MLXIPL: variants seen among roughly 807,000 people sequenced by gnomAD.
MLXIPL encodes carbohydrate-responsive element-binding protein.
A neutral mutation model predicts 81.5 loss-of-function variants in MLXIPL; 49 were observed. The ratio of observed to expected loss-of-function variants is 0.60; its 90% CI spans 0.48 to 0.76. MLXIPL has a LOEUF of 0.76. Ranked by LOEUF, MLXIPL falls within the 30% of genes least tolerant of loss-of-function variation. The pLI is 0.00. For missense variants in MLXIPL, 1,053 were observed against 1,167.0 expected (o/e 0.90, Z 1.42); for synonymous variants, 466 against 485.5 (o/e 0.96, Z 0.53).
chr7:73,607,034 G>A lies in MLXIPL; in HGVS notation c.574-16C>T. ...GCTTACGGAGCTGCAGGGACACACA[G>A]AGTTGGACACCGGATCCCTTGCCCC... On this transcript the variant is annotated splice_polypyrimidine_tract_variant and intron_variant, in intron 4 of 16. Coordinates refer to ENST00000313375, the MANE Select transcript of MLXIPL (RefSeq NM_032951.3). The A allele has an allele frequency of 6.2e-7, 1 of 1,612,920 alleles. No individual in the cohort carries two copies. The highest frequency in any genetic ancestry group is 8.5e-7 in the Non-Finnish European group (1 of 1,179,582).
the MLXIPL span, among the ~76,000 whole-genome samples, chr7:73,637,165 T>A: frequency 1.3e-5 from 2 of 151,832 alleles, no homozygotes; most frequent in African/African-American, 4.8e-5. Context: ...CTCACAAGTC[T>A]ATGTAGATTG....
the MLXIPL span, among the ~76,000 whole-genome samples, chr7:73,643,391 G>A: frequency 6.6e-6 from 1 of 152,060 alleles, no homozygotes; most frequent in African/African-American, 2.4e-5. Context: ...GCGGGTGCCT[G>A]TAGTCCCAGC....
intron 1 of MLXIPL, among the ~76,000 whole-genome samples, chr7:73,618,190 A>C (rs1554601198): frequency 6.6e-6 from 1 of 152,170 alleles, no homozygotes; most frequent in East Asian, 1.9e-4. Flanking sequence ...TCCGTCTCCC[A>C]GGTTCAAATG....
At chr7:73,615,425 C>A (rs1270588607) in intron 2 of MLXIPL, among the ~76,000 whole-genome samples, 1 of 152,138 alleles carries the variant, frequency 6.6e-6, no homozygotes, top group Non-Finnish European at 1.5e-5. Flanking sequence ...ATTCAAGGCA[C>A]CCAACTATGC....
chr7:73,606,400 T>G, intron 5 of MLXIPL: 1 of 507,022 alleles, frequency 2.0e-6, no homozygotes, highest in Non-Finnish European at 3.5e-6. Context: ...CTCTGGTTTT[T>G]TTTTTTGTTT....
rs368886406 is a variant in MLXIPL, at chr7:73,621,375, A to G, written c.293+2825T>C. ...GCCCACGCTAACCTGCAGAGGGTGA[A>G]ACCTTGCCAGGCCTCTGCAGGCTGG... On this transcript the variant is annotated intron_variant, in intron 1 of 16. Coordinates refer to ENST00000313375, the MANE Select transcript of MLXIPL (RefSeq NM_032951.3). Among the ~76,000 whole-genome samples, 114 of 150,552 alleles carry G rather than the reference A, an allele frequency of 7.6e-4. 1 individual carries two copies. The highest frequency in any genetic ancestry group is 2.7e-3 in the African/African-American group (112 of 40,964).
chr7:73,614,723 C>G (rs782300144), intron 2 of MLXIPL, among the ~76,000 whole-genome samples: 2 of 152,002 alleles, frequency 1.3e-5, no homozygotes, highest in Non-Finnish European at 2.9e-5. Flanking sequence ...TATTGGATAC[C>G]AACTTAGTGG....
the MLXIPL span, among the ~76,000 whole-genome samples, chr7:73,637,111 A>G: frequency 1.3e-5 from 2 of 151,510 alleles, no homozygotes; most frequent in African/African-American, 4.9e-5. Flanking sequence ...TATTTCCTTC[A>G]CTTCAATTTT....
chr7:73,594,159 C>T, intron 16 of MLXIPL, 115 bp downstream of exon 16: 3 of 1,542,796 alleles, frequency 1.9e-6, no homozygotes, highest in Admixed American at 1.7e-5. Flanking sequence ...TGCGGGGTGG[C>T]CACAACCCTA....
Position 73,624,358 on chromosome 7 carries a change from C to T in MLXIPL, c.135G>A (p.Gln45=), listed in dbSNP as rs1554603081. ...RRSAGGLLRS[Q]VIHSGHFMVS... is the part of the protein sequence containing the mutation. ...CCATGAAGTGACCGCTGTGGATGAC[C>T]TGCGAGCGGAGCAAGCCGCCCGCGC... Residue 45 remains glutamine (Q), a synonymous_variant, in exon 1 of 17, where the codon CAG becomes CAA. Coordinates refer to ENST00000313375, the MANE Select transcript of MLXIPL (RefSeq NM_032951.3). 2 of 1,583,282 alleles carry T rather than the reference C, an allele frequency of 1.3e-6. No homozygotes were observed. The highest frequency in any genetic ancestry group is 1.7e-6 in the Non-Finnish European group (2 of 1,168,594).
intron 1 of MLXIPL, among the ~76,000 whole-genome samples, 198 bp from the exon 2 acceptor site, chr7:73,616,375 G>T (rs1796010108): frequency 6.6e-6 from 1 of 152,132 alleles, no homozygotes; most frequent in South Asian, 2.1e-4. Flanking sequence ...ACTCCCACCA[G>T]CGGCCCCTGT....
chr7:73,632,984 T>C, the MLXIPL span, among the ~76,000 whole-genome samples: 1 of 151,996 alleles, frequency 6.6e-6, no homozygotes, highest in Admixed American at 6.6e-5. Context: ...TTTCCCTATG[T>C]TAGCCAGGCT....
chr7:73,636,844 G>T, the MLXIPL span, among the ~76,000 whole-genome samples: 1 of 152,124 alleles, frequency 6.6e-6, no homozygotes, highest in Non-Finnish European at 1.5e-5. Flanking sequence ...GGTGGGTCAA[G>T]AGGTCAGGAG....
intron 5 of MLXIPL, 135 bp downstream of exon 5, chr7:73,606,838 TG>T: frequency 1.0e-6 from 1 of 957,774 alleles, no homozygotes; most frequent in Non-Finnish European, 1.6e-6. Context: ...AACCACAGGA[TG>T]GCAGTAACAT....
chr7:73,599,463 G>A (rs1245878684), intron 8 of MLXIPL, 63 bp downstream of exon 8: 2 of 1,587,774 alleles, frequency 1.3e-6, no homozygotes, highest in African/African-American at 1.3e-5. Flanking sequence ...TCCTGGACAT[G>A]AACAGGGCAG....
chr7:73,635,636 C>A, the MLXIPL span, among the ~76,000 whole-genome samples: 93 of 151,918 alleles, frequency 6.1e-4, no homozygotes, highest in African/African-American at 2.2e-3. Flanking sequence ...CCACCCATCT[C>A]TTTTTCCATC....
chr7:73,619,756 C>T (rs1431029245), intron 1 of MLXIPL, among the ~76,000 whole-genome samples: 1 of 151,746 alleles, frequency 6.6e-6, no homozygotes, highest in African/African-American at 2.4e-5. Flanking sequence ...CAGTGAAACC[C>T]GGTCTCTACT....
the MLXIPL span, among the ~76,000 whole-genome samples, chr7:73,646,711 G>T: frequency 6.6e-6 from 1 of 152,186 alleles, no homozygotes; most frequent in Non-Finnish European, 1.5e-5. Context: ...AGGCTGAGGA[G>T]CTGAGCTTCC....
the MLXIPL span, among the ~76,000 whole-genome samples, chr7:73,639,988 C>T: frequency 6.6e-6 from 1 of 151,746 alleles, no homozygotes; most frequent in Admixed American, 6.6e-5. Context: ...TGGTGTGAAC[C>T]CAGGCAGAGC....
Sources: gnomAD v4.1 joint callset for allele counts (sites outside exome capture counted in the v4.1 genomes callset) on GRCh38, gnomAD v4.1.1 for gene constraint, MANE v1.5 for transcripts, NCBI Gene and HGNC (gene_info 2026-07-23, HGNC 2026-07-21) for gene names.